Variants in PLXNA3 observed in about 807,000 individuals in gnomAD.
PLXNA3 encodes the protein plexin A3, also known as plexin-A3.
A neutral mutation model predicts 118.8 loss-of-function variants in PLXNA3; 52 were observed. The ratio of observed to expected loss-of-function variants is 0.44; its 90% confidence interval spans 0.35 to 0.55. The LOEUF is 0.55. Ranked by LOEUF, PLXNA3 falls within the 20% of genes least tolerant of loss-of-function variation. The probability of loss-of-function intolerance (pLI) is 0.01; values close to 1 mark genes in which losing one functional copy is unlikely to be tolerated. For missense variants in PLXNA3, 1,660 were observed against 1,730.8 expected (o/e 0.96, Z 0.73); for synonymous variants, 925 against 762.4 (o/e 1.21, Z -3.51).
chrX:154,463,270 G>A, intron 4 of PLXNA3, 121 bp from the exon 5 acceptor site: 1 of 1,024,771 alleles, frequency 9.8e-7, no homozygotes, highest in South Asian at 1.9e-5. Flanking sequence ...GTGGGTGTGA[G>A]TGCTGAACCC....
Position 154,472,976 on chromosome X carries a change from A to C in PLXNA3, c.*291A>C. The C allele has an allele frequency of 3.9e-6, 1 of 255,829 alleles. No individual in the cohort carries two copies. The highest frequency in any genetic ancestry group is 7.2e-6 in the Non-Finnish European group (1 of 139,755). 21.1% of individuals were successfully genotyped at this position (255,829 alleles called of 1,213,427 possible). ...GACAGTCCCACCCTCCCTGCTATTT[A>C]TATCCCTCTGCCTATTTATTGAATC... On this transcript the variant is annotated 3_prime_UTR_variant, in exon 33 of 33. Transcript: ENST00000369682.
intron 17 of PLXNA3, 86 bp from the exon 18 acceptor site, chrX:154,466,971 T>C: frequency 2.1e-6 from 2 of 941,911 alleles, no homozygotes; most frequent in South Asian, 4.2e-5. Flanking sequence ...AGGGAAGGCC[T>C]GGGCTGCCAT....
At position 154,465,819 on chromosome X, in the gene PLXNA3, C is replaced by T. The variant is rs1557206807; in HGVS notation, c.2504C>T (p.Thr835Ile). 3.3e-6 allele frequency: 4 copies of T among 1,204,746 alleles called. No individual in the cohort carries two copies. Among genetic ancestry groups the T allele is most frequent in the Non-Finnish European group, 4.5e-6 (4 of 892,165 alleles). ...TGGATGCACCTGAGCCAGAAGGGCA[C>T]CCGGTGCAGCCACCCCCGCATCACG... ...TNWMHLSQKG[T>I]RCSHPRITQI... Residue 835 changes from threonine to isoleucine, a missense_variant, in exon 13 of 33, where the codon ACC becomes ATC. This residue lies in a region of PLXNA3 where 869 missense variants were observed against 1,078.7 expected (regional missense o/e 0.81). Coordinates refer to ENST00000369682, the MANE Select transcript of PLXNA3 (RefSeq NM_017514.5).
rs782631238 is a variant in PLXNA3 at position 154,470,159 on chromosome X, G to A, written c.4978G>A (p.Ala1660Thr). The change falls in exon 29 of 33, where the codon GCC becomes ACC. Residue 1660 changes from alanine to threonine, a missense_variant. By Grantham distance (58) the Ala-to-Thr change is moderately conservative. This residue lies in a region of PLXNA3 where 869 missense variants were observed against 1,078.7 expected (regional missense o/e 0.81). Coordinates refer to ENST00000369682, the MANE Select transcript of PLXNA3 (RefSeq NM_017514.5). ...VSEIYLTRLLATKGTLQKFVD... is the reference protein window; with the variant it reads ...VSEIYLTRLLTTKGTLQKFVD... ...CGAGATCTACCTGACACGGCTGCTG[G>A]CCACCAAGGTATGGGCCTGCCTCTC... 2 of 1,208,647 alleles carry A rather than the reference G, an allele frequency of 1.7e-6. No individual in the cohort carries two copies. The highest frequency in any genetic ancestry group is 3.5e-5 in the African/African-American group (2 of 57,620).
Position 154,461,512 on chromosome X carries a change from C to T in PLXNA3, c.1008C>T (p.Ile336=), listed in dbSNP as rs782486191. Reference sequence around the variant, plus strand: ...GGGCCAGCCCACCCCGGCAGACCATCCTCTGCCTCTTCACCCTCAGCAACA... The same window carrying T: ...GGGCCAGCCCACCCCGGCAGACCATTCTCTGCCTCTTCACCCTCAGCAACA... ...KNRASPPRQT[I]LCLFTLSNIN... is the part of the protein sequence containing the mutation. Residue 336 remains isoleucine, a synonymous_variant, in exon 3 of 33, where the codon ATC becomes ATT. Coordinates refer to ENST00000369682, the MANE Select transcript of PLXNA3 (RefSeq NM_017514.5). The T allele has an allele frequency of 1.8e-5, 22 of 1,210,252 alleles. No homozygotes were observed. The East Asian group carries it at 4.7e-4, about 26-fold the overall frequency.
intron 1 of PLXNA3, among the ~76,000 whole-genome samples, chrX:154,458,906 C>T (rs1367707234): frequency 1.8e-5 from 2 of 111,774 alleles, no homozygotes; most frequent in African/African-American, 6.5e-5. Context: ...CCGACCTGTC[C>T]CCAGCCTGTT....
At position 154,466,408 on chromosome X, in the gene PLXNA3, T is replaced by G; in HGVS notation, c.2832T>G (p.Arg944=). The stretch of plus-strand genomic sequence containing the variant: ...CGTTTGACCAAGTGAGTCCCAGCCG[T>G]GGCCCGGCGTCCGGGGGCACACGGC... ...TPTFDQVSPS[R]GPASGGTRLT... Residue 944 remains arginine (R), a synonymous_variant, in exon 16 of 33, where the codon CGT becomes CGG. Coordinates refer to ENST00000369682, the MANE Select transcript of PLXNA3 (RefSeq NM_017514.5). 1 of 1,211,190 alleles carries G rather than the reference T, an allele frequency of 8.3e-7. No individual in the cohort carries two copies. Among genetic ancestry groups the G allele is most frequent in the East Asian group, 3.0e-5 (1 of 33,837 alleles).
intron 6 of PLXNA3, 59 bp from the exon 7 acceptor site, chrX:154,463,892 G>C (rs1342636463): frequency 4.3e-6 from 5 of 1,152,959 alleles, no homozygotes; most frequent in Admixed American, 2.6e-5. Context: ...CTGTGAGCTG[G>C]ACAGGCCTGG....
chrX:154,470,909 G>T (rs2069174415), intron 30 of PLXNA3, 196 bp from the exon 31 acceptor site: 1 of 446,911 alleles, frequency 2.2e-6, no homozygotes, highest in South Asian at 3.3e-5. Context: ...AGGAGAAGCT[G>T]CGGAGGGGGT....
chrX:154,469,852 CTGTAGAG>C, intron 28 of PLXNA3, 68 bp downstream of exon 28: 1 of 1,124,091 alleles, frequency 8.9e-7, no homozygotes, highest in Non-Finnish European at 1.2e-6. Context: ...GCCATCGATT[CTGTAGAG>C]TGTAGACGGA....
At position 154,474,617 on chromosome X, in the gene PLXNA3, A is replaced by T. The variant is rs1470003009; in HGVS notation, c.*1932A>T. ...CTCAGCCTCCCGAATAGCTGGAACT[A>T]CAGGTGCCCACCACCACGCCCGGCT... On this transcript the variant is annotated 3_prime_UTR_variant, in exon 33 of 33. Transcript: ENST00000369682. 9.3e-6 allele frequency: 1 copy of T among 107,105 alleles called. No individual in the cohort carries two copies. The highest frequency in any genetic ancestry group is 1.0e-4 in the Admixed American group (1 of 9,879). The allele number at this position is 107,105 out of a possible 1,213,427, so 8.8% of individuals were successfully genotyped here.
rs369262880 is a variant in PLXNA3, at chrX:154,464,030, C to T, written c.1627C>T (p.Arg543Trp). The T allele has an allele frequency of 3.1e-5, 38 of 1,208,041 alleles. No individual in the cohort carries two copies. The highest frequency in any genetic ancestry group is 2.7e-4 in the East Asian group (9 of 33,687). ...AEELSKCVQV[R>W]VRPNNVSVTS... ...GGAGCTGAGCAAGTGTGTCCAGGTG[C>T]GGGTCCGGCCCAACAATGTGTCAGT... The change falls in exon 7 of 33, where the codon CGG (arginine) becomes TGG (tryptophan). Residue 543 changes from arginine (R) to tryptophan (W), a missense_variant. Around this residue, in one of 2 missense-constraint regions of PLXNA3, gnomAD observed 791 missense variants for 652.1 expected, o/e 1.21. Transcript: ENST00000369682.
chrX:154,465,774 G>A lies in PLXNA3; in HGVS notation c.2459G>A (p.Cys820Tyr). 8.3e-7 allele frequency: 1 copy of A among 1,209,595 alleles called. No individual in the cohort carries two copies. Among genetic ancestry groups the A allele is most frequent in the Middle Eastern group, 2.3e-4 (1 of 4,334 alleles). The change falls in exon 13 of 33, where the codon TGC becomes TAC. Residue 820 changes from cysteine (C) to tyrosine (Y), a missense_variant. Coordinates refer to ENST00000369682, the MANE Select transcript of PLXNA3 (RefSeq NM_017514.5). ...CACAGGTGCCAGCTGCGGACCCACT[G>A]CCCGGCCCCGAAGACCAACTGGATG... Reference protein sequence around the residue: ...SEHRCQLRTHCPAPKTNWMHL... With the variant: ...SEHRCQLRTHYPAPKTNWMHL...
At chrX:154,463,899 C>T in intron 6 of PLXNA3, 52 bp from the exon 7 acceptor site, 2 of 1,157,662 alleles carry the variant, frequency 1.7e-6, no homozygotes, top group Non-Finnish European at 2.3e-6. Flanking sequence ...CTGGACAGGC[C>T]TGGGCCCTCC....
In PLXNA3 at chrX:154,470,055, G is replaced by A. The variant is rs782447375; in HGVS notation, c.4874G>A (p.Gly1625Asp). Residue 1625 changes from glycine (G) to aspartate (D), a missense_variant, in exon 29 of 33, where the codon GGC becomes GAC. Physicochemically the swap from Gly to Asp is moderately conservative, Grantham distance 94. Coordinates refer to ENST00000369682, the MANE Select transcript of PLXNA3 (RefSeq NM_017514.5). ...APMITPDQET[G>D]TKLWHLVKNH... ...ATGATTACGCCTGACCAGGAGACAGGCACCAAATTGTGGCACCTGGTGAAA... is the reference window on the plus strand; with the variant it reads ...ATGATTACGCCTGACCAGGAGACAGACACCAAATTGTGGCACCTGGTGAAA... The A allele has an allele frequency of 8.3e-7, 1 of 1,211,292 alleles. No homozygotes were observed. Among genetic ancestry groups the A allele is most frequent in the South Asian group, 1.8e-5 (1 of 57,030 alleles).
At chrX:154,461,974 A>G (rs1298241706) in intron 3 of PLXNA3, among the ~76,000 whole-genome samples, 154 bp from the exon 4 acceptor site, 2 of 111,917 alleles carry the variant, frequency 1.8e-5, no homozygotes, top group African/African-American at 6.5e-5. Context: ...CTCCGCAGCC[A>G]CCAATTTCCT....
Position 154,466,246 on chromosome X carries a change from G to A in PLXNA3, c.2775G>A (p.Gln925=), listed in dbSNP as rs1557207050. 1 of 1,209,216 alleles carries A rather than the reference G, an allele frequency of 8.3e-7. No individual in the cohort carries two copies. The highest frequency in any genetic ancestry group is 2.2e-5 in the Admixed American group (1 of 46,136). The part of the protein sequence containing the change: ...VGDCSADFRT[Q]SEQVYSFVTP... The stretch of plus-strand genomic sequence containing the variant: ...ACTGTTCAGCCGACTTCCGCACGCA[G>A]TCGGAGCAGGTCTACAGCTTTGTGG... Residue 925 remains glutamine, a synonymous_variant, in exon 15 of 33, where the codon CAG becomes CAA. Transcript: ENST00000369682.
Position 154,460,420 on chromosome X carries a change from GC to G in PLXNA3, c.243del (p.Ser82AlafsTer21). 8.3e-7 allele frequency: 1 copy of G among 1,202,355 alleles called. No homozygotes were observed. The highest frequency in any genetic ancestry group is 1.1e-6 in the Non-Finnish European group (1 of 889,896). The stretch of plus-strand genomic sequence containing the variant: ...TCGAGGACAACGCTCGCTGCTACCC[GC>G]CCCCCAGCATGCGCGTGTGTGCCCA... ...PVEDNARCYP[P>X]PSMRVCAHRL... On this transcript the variant is annotated frameshift_variant, in exon 2 of 33. Transcript: ENST00000369682. LOFTEE classifies it high-confidence loss of function.
chrX:154,468,668 A>C lies in PLXNA3; in HGVS notation c.4226A>C (p.Glu1409Ala). The C allele has an allele frequency of 8.3e-7, 1 of 1,211,672 alleles. No individual in the cohort carries two copies. Among genetic ancestry groups the C allele is most frequent in the Non-Finnish European group, 1.1e-6 (1 of 895,451 alleles). Residue 1409 changes from glutamate to alanine, a missense_variant, in exon 24 of 33, where the codon GAG (glutamate) becomes GCG (alanine). This residue lies in a region of PLXNA3 where 869 missense variants were observed against 1,078.7 expected (regional missense o/e 0.81). Transcript: ENST00000369682. ...GCCCCCTTCTCTTGCCCTAGGACAG[A>C]GTCAGTGGCTGAGAAGATGCTTACC... Reference protein sequence around the residue: ...NHPKLLLRRTESVAEKMLTNW... With the variant: ...NHPKLLLRRTASVAEKMLTNW...
Sources: gnomAD v4.1 joint callset for allele counts (sites outside exome capture counted in the v4.1 genomes callset) on GRCh38, gnomAD v4.1.1 for gene constraint, gnomAD v4.1.1 regional missense constraint, MANE v1.5 for transcripts, NCBI Gene and HGNC (gene_info 2026-07-23, HGNC 2026-07-21) for gene names.